BCL2L14: variants seen among roughly 807,000 people sequenced by gnomAD.
BCL2L14 encodes the protein apoptosis facilitator Bcl-2-like protein 14.
BCL2L14 carries 27 observed loss-of-function variants against 35.3 expected under a neutral mutation model. That is an observed-to-expected ratio of 0.76 (90% CI 0.56 to 1.05). The LOEUF is 1.05. Among genes scored for constraint, BCL2L14 ranks in the 50% least tolerant of loss-of-function variants. The pLI is 0.00. For synonymous variants in BCL2L14, 139 were observed against 145.9 expected, an observed-to-expected ratio of 0.95 and a Z score of 0.34; for missense variants, 377 against 382.6, an observed-to-expected ratio of 0.99 and a Z score of 0.12.
At position 12,057,431 on chromosome 12, in the gene BCL2L14, A is replaced by G. The variant is rs966078657; in HGVS notation, c.-272+5584A>G. ...AAATCTTTCCATTTTTCCCTACGCCAAAGTCAAAAAGCAGTAATAGCAACT... is the reference window on the plus strand; with the variant it reads ...AAATCTTTCCATTTTTCCCTACGCCGAAGTCAAAAAGCAGTAATAGCAACT... On this transcript the variant is annotated intron_variant, in intron 2 of 3. Coordinates refer to the BCL2L14 transcript ENST00000461264. 4.6e-5 allele frequency among the ~76,000 whole-genome samples: 7 copies of G among 152,288 alleles called. No homozygotes were observed. In the South Asian group the frequency reaches 1.0e-3, roughly 23 times the overall value.
At position 12,098,823 on chromosome 12, in the gene BCL2L14, C is replaced by G. The variant is rs1051648246; in HGVS notation, c.946-127C>G. ...AATGCCAGTCACCTCTCCAAACCCT[C>G]CCCCAAACTAACATGGTCTCCTGAG... On this transcript the variant is annotated intron_variant, in intron 5 of 5. Coordinates refer to ENST00000308721, the MANE Select transcript of BCL2L14 (RefSeq NM_138723.2). The G allele has an allele frequency of 9.6e-6, 7 of 729,254 alleles. No individual in the cohort carries two copies. In the Admixed American group the frequency reaches 1.5e-4, roughly 15 times the overall value. 45.2% of individuals were successfully genotyped at this position (729,254 alleles called of 1,614,324 possible).
intron 2 of BCL2L14, among the ~76,000 whole-genome samples, chr12:12,063,562 C>A (rs1234269217): frequency 6.6e-6 from 1 of 152,100 alleles, no homozygotes; most frequent in Non-Finnish European, 1.5e-5. Flanking sequence ...CAATCCCACT[C>A]GAAGCAGCCC....
intron 3 of BCL2L14, among the ~76,000 whole-genome samples, chr12:12,089,783 G>A (rs1353396423): frequency 6.6e-6 from 1 of 152,168 alleles, no homozygotes; most frequent in African/African-American, 2.4e-5. Flanking sequence ...CTTGGCCATA[G>A]GGGAATTTAT....
At chr12:12,089,290 A>G (rs1250018554) in intron 3 of BCL2L14, among the ~76,000 whole-genome samples, 1 of 152,062 alleles carries the variant, frequency 6.6e-6, no homozygotes, top group African/African-American at 2.4e-5. Flanking sequence ...AATCGCTTCA[A>G]CTGGGGAGGC....
intron 1 of BCL2L14, among the ~76,000 whole-genome samples, chr12:12,079,057 AG>A (rs374326152): frequency 2.6e-4 from 39 of 152,166 alleles, no homozygotes; most frequent in Admixed American, 1.3e-4. Context: ...GGCCTCCCAA[AG>A]TTTTGGGATT....
intron 5 of BCL2L14, chr12:12,095,580 G>A (rs1949297387): frequency 1.0e-5 from 10 of 985,210 alleles, no homozygotes; most frequent in Middle Eastern, 5.2e-4. Context: ...AAGGTCCACC[G>A]TGTCAAAATG....
chr12:12,065,233 A>G (rs957141454), intron 2 of BCL2L14, among the ~76,000 whole-genome samples: 2 of 152,164 alleles, frequency 1.3e-5, no homozygotes, highest in South Asian at 2.1e-4. Flanking sequence ...ATAAATTTGT[A>G]AAAAAGTGAC....
chr12:12,080,386 T>C (rs11054670), intron 2 of BCL2L14, among the ~76,000 whole-genome samples: 23,814 of 151,400 alleles, frequency 0.16, 2,641 homozygotes, highest in African/African-American at 0.3. Context: ...TTTGGAAGGT[T>C]GAGGTGGGCA....
At chr12:12,062,255 C>T (rs1357722524) in intron 2 of BCL2L14, among the ~76,000 whole-genome samples, 2 of 149,090 alleles carry the variant, frequency 1.3e-5, no homozygotes, top group Non-Finnish European at 1.5e-5. Context: ...CACATTATTC[C>T]TGATACCACA....
At chr12:12,051,652 C>T (rs1565432516) in intron 1 of BCL2L14, 1 of 152,196 alleles carries the variant, frequency 6.6e-6, no homozygotes, top group Non-Finnish European at 1.5e-5. Flanking sequence ...CCTCCTAAAT[C>T]TTCTCTCTTC....
At chr12:12,058,682 A>T (rs1401891165) in intron 2 of BCL2L14, among the ~76,000 whole-genome samples, 2 of 150,558 alleles carry the variant, frequency 1.3e-5, no homozygotes, top group African/African-American at 4.9e-5. Context: ...CCCTTCACTG[A>T]CTCTCTTTTC....
At chr12:12,080,385 T>C (rs1263387546) in intron 2 of BCL2L14, among the ~76,000 whole-genome samples, 1 of 151,286 alleles carries the variant, frequency 6.6e-6, no homozygotes, top group Non-Finnish European at 1.5e-5. Flanking sequence ...CTTTGGAAGG[T>C]TGAGGTGGGC....
At chr12:12,063,585 C>T (rs1948556747) in intron 2 of BCL2L14, among the ~76,000 whole-genome samples, 4 of 152,236 alleles carry the variant, frequency 2.6e-5, no homozygotes, top group Middle Eastern at 3.4e-3. Flanking sequence ...AGAAACATCG[C>T]CCATTATCTC....
intron 2 of BCL2L14, among the ~76,000 whole-genome samples, chr12:12,062,931 C>G (rs1230279805): frequency 2.0e-5 from 3 of 152,232 alleles, no homozygotes; most frequent in Non-Finnish European, 2.9e-5. Flanking sequence ...CCTCACCAAG[C>G]TCAGCCACCA....
At chr12:12,069,946 T>A (rs919277256), upstream of BCL2L14, among the ~76,000 whole-genome samples, 7 of 152,190 alleles carry the variant, frequency 4.6e-5, no homozygotes, top group Non-Finnish European at 1.5e-5. Flanking sequence ...AAAATAGCAT[T>A]AATTCCCCTT....
At chr12:12,068,279 A>G (rs151036943), upstream of BCL2L14, 2 of 397,800 alleles carry the variant, frequency 5.0e-6, no homozygotes, top group African/African-American at 4.1e-5. Context: ...TTTCAGCAAC[A>G]AACATTGTTT....
intron 2 of BCL2L14, among the ~76,000 whole-genome samples, chr12:12,080,717 T>C: frequency 6.6e-6 from 1 of 152,088 alleles, no homozygotes; most frequent in South Asian, 2.1e-4. Flanking sequence ...TCAGGGCCTC[T>C]GTGTTTCCAT....
chr12:12,094,361 C>T (rs777702021), intron 4 of BCL2L14: 12 of 702,714 alleles, frequency 1.7e-5, no homozygotes, highest in South Asian at 5.2e-5. Flanking sequence ...AGTGAGGACC[C>T]GCATCTCAGT....
intron 2 of BCL2L14, among the ~76,000 whole-genome samples, chr12:12,061,700 T>C (rs1948528321): frequency 1.3e-5 from 2 of 152,210 alleles, no homozygotes; most frequent in Admixed American, 1.3e-4. Context: ...TCACCTGGAC[T>C]GACCCTGACA....
Sources: gnomAD v4.1 joint callset for allele counts (sites outside exome capture counted in the v4.1 genomes callset) on GRCh38, gnomAD v4.1.1 for gene constraint, MANE v1.5 for transcripts, NCBI Gene and HGNC (gene_info 2026-07-23, HGNC 2026-07-21) for gene names.